Variants in C1D observed in about 807,000 individuals in gnomAD.
C1D encodes C1D nuclear receptor corepressor.
In C1D, 10 loss-of-function variants were observed where a neutral mutation model predicts 17.5. The observed-to-expected ratio is 0.57, with a 90% CI of 0.35 to 0.97. The LOEUF (loss-of-function observed/expected upper bound fraction) is 0.97, where lower values mean the gene tolerates loss of function less well. Ranked by LOEUF, C1D falls within the 50% of genes least tolerant of loss-of-function variation. C1D has a pLI of 0.01. For synonymous variants in C1D, 49 were observed against 54.0 expected (o/e 0.91, Z 0.40); for missense variants, 136 against 160.1 (o/e 0.85, Z 0.81).
intron 1 of C1D, among the ~76,000 whole-genome samples, chr2:68,047,777 G>A (rs561078441): frequency 2.0e-5 from 3 of 152,228 alleles, no homozygotes; most frequent in Admixed American, 2.0e-4. Flanking sequence ...AAGACATGAT[G>A]ACCAAACATG....
chr2:68,049,910 G>A (rs1196383321), intron 1 of C1D, among the ~76,000 whole-genome samples: 1 of 152,148 alleles, frequency 6.6e-6, no homozygotes, highest in Non-Finnish European at 1.5e-5. Flanking sequence ...AGACAGCCAG[G>A]AGAAAGTATC....
chr2:68,045,026 T>G (rs1671079793), intron 4 of C1D, among the ~76,000 whole-genome samples: 1 of 152,208 alleles, frequency 6.6e-6, no homozygotes, highest in Non-Finnish European at 1.5e-5. Flanking sequence ...ACTTTTGCTT[T>G]AAATATTTTT....
chr2:68,053,291 T>C, intron 1 of C1D: 1 of 1,381,924 alleles, frequency 7.2e-7, no homozygotes. Context: ...CTCTCACTGG[T>C]TATACAGAAG....
intron 1 of C1D, chr2:68,053,149 G>C (rs746669830): frequency 2.6e-6 from 4 of 1,550,662 alleles, no homozygotes; most frequent in Admixed American, 3.9e-5. Flanking sequence ...TGCAGAGGTA[G>C]AGACAGACGG....
Position 68,052,763 on chromosome 2 carries a change from A to G in C1D, c.-9-5444T>C, listed in dbSNP as rs997189808. Among the ~76,000 whole-genome samples the G allele has an allele frequency of 3.9e-5, 6 of 152,188 alleles. No homozygotes were observed. In the South Asian group the frequency reaches 1.0e-3, roughly 26 times the overall value. On this transcript the variant is annotated intron_variant, in intron 1 of 4. Transcript: ENST00000410067. ...ATTATGAGAAATTCCTCCTAATTCA[A>G]TTGATTTCTACTAACACTTTATTAT...
At chr2:68,046,446 G>C (rs1572879814) in intron 2 of C1D, 36 bp from the exon 3 acceptor site, 37 of 1,381,506 alleles carry the variant, frequency 2.7e-5, no homozygotes, top group Non-Finnish European at 3.4e-5. Flanking sequence ...AAGAGAGAAA[G>C]TGAGACAGAA....
At position 68,042,487 on chromosome 2, in the gene C1D, T is replaced by G. The variant is rs1670986403; in HGVS notation, c.*402A>C. 6.5e-6 allele frequency: 1 copy of G among 154,902 alleles called. No individual in the cohort carries two copies. Among genetic ancestry groups the G allele is most frequent in the Non-Finnish European group, 1.4e-5 (1 of 69,546 alleles). 9.6% of individuals were successfully genotyped at this position (154,902 alleles called of 1,614,324 possible). ...TTCACGCTTTCTTAATATCATATAG[T>G]GAAAACAGATGTACCTATAATTTCA... On this transcript the variant is annotated 3_prime_UTR_variant, in exon 5 of 5. Coordinates refer to ENST00000410067, the MANE Select transcript of C1D (RefSeq NM_173177.3).
Position 68,042,834 on chromosome 2 carries a change from G to A in C1D, c.*55C>T, listed in dbSNP as rs1280870131. ...CTGCCACAGAATTATTTTGCGGGGGGGGGGGGGGGGGGGAAGATGTACTTT... is the reference window on the plus strand; with the variant it reads ...CTGCCACAGAATTATTTTGCGGGGGAGGGGGGGGGGGGGAAGATGTACTTT... On this transcript the variant is annotated 3_prime_UTR_variant, in exon 5 of 5. Transcript: ENST00000410067. The A allele has an allele frequency of 8.0e-5, 5 of 62,510 alleles. No individual in the cohort carries two copies. Among genetic ancestry groups the A allele is most frequent in the Non-Finnish European group, 1.4e-4 (5 of 35,890 alleles). The allele number at this position is 62,510 out of a possible 1,614,324, so 3.9% of individuals were successfully genotyped here. A position where few individuals can be genotyped will look rare whatever the true frequency, so the allele number is the denominator to read the frequency against.
chr2:68,059,028 G>C (rs1309019343), intron 1 of C1D, among the ~76,000 whole-genome samples: 1 of 152,184 alleles, frequency 6.6e-6, no homozygotes, highest in Non-Finnish European at 1.5e-5. Flanking sequence ...GAATACCTGA[G>C]GCTGGGTAAT....
chr2:68,048,828 GA>G (rs1671204613), intron 1 of C1D, among the ~76,000 whole-genome samples: 1 of 152,122 alleles, frequency 6.6e-6, no homozygotes, highest in Non-Finnish European at 1.5e-5. Context: ...AGAAAAACAT[GA>G]AAATAAAAAT....
At chr2:68,051,651 C>A (rs1671285284) in intron 1 of C1D, among the ~76,000 whole-genome samples, 1 of 152,124 alleles carries the variant, frequency 6.6e-6, no homozygotes, top group African/African-American at 2.4e-5. Flanking sequence ...GTTCTTCCCC[C>A]ACGACATCAG....
rs1307431730 is a variant in C1D at position 68,041,987 on chromosome 2, T to C, written c.*902A>G. 2 of 151,994 alleles carry C rather than the reference T, an allele frequency of 1.3e-5. No homozygotes were observed. The highest frequency in any genetic ancestry group is 2.9e-5 in the Non-Finnish European group (2 of 67,906). The allele number at this position is 151,994 out of a possible 1,614,324, so 9.4% of individuals were successfully genotyped here. ...TCTCATCTGCTTAAGTGGCATTAGG[T>C]AACTTAAGAAGTTGTTCCAAAACAC... On this transcript the variant is annotated 3_prime_UTR_variant, in exon 5 of 5. Coordinates refer to ENST00000410067, the MANE Select transcript of C1D (RefSeq NM_173177.3).
chr2:68,061,838 T>C (rs971555039), intron 1 of C1D, among the ~76,000 whole-genome samples: 11 of 152,214 alleles, frequency 7.2e-5, no homozygotes, highest in African/African-American at 2.7e-4. Flanking sequence ...TACATTACTT[T>C]TGAACTGTGA....
chr2:68,053,324 C>G, intron 1 of C1D: 1 of 1,052,864 alleles, frequency 9.5e-7, no homozygotes, highest in Non-Finnish European at 1.3e-6. Context: ...TAGGAGAAAA[C>G]AAGAGTGCAT....
intron 1 of C1D, among the ~76,000 whole-genome samples, chr2:68,050,856 C>T (rs1371641708): frequency 6.6e-6 from 1 of 152,214 alleles, no homozygotes; most frequent in Non-Finnish European, 1.5e-5. Context: ...AGAACGTGCC[C>T]AAAGCCAAAT....
chr2:68,060,212 T>G (rs1424042090), intron 1 of C1D, among the ~76,000 whole-genome samples: 5 of 152,206 alleles, frequency 3.3e-5, no homozygotes, highest in Non-Finnish European at 7.3e-5. Flanking sequence ...TTCTCCACCT[T>G]CACTTCTTTC....
intron 1 of C1D, among the ~76,000 whole-genome samples, chr2:68,060,007 T>C (rs1026002282): frequency 6.6e-6 from 1 of 152,208 alleles, no homozygotes; most frequent in Non-Finnish European, 1.5e-5. Flanking sequence ...AAACTTATCA[T>C]GTCCTTAACT....
chr2:68,052,479 AATTTT>A (rs1671318233), intron 1 of C1D, among the ~76,000 whole-genome samples: 2 of 152,164 alleles, frequency 1.3e-5, no homozygotes. Context: ...TTTAAATGTG[AATTTT>A]TTCATCAAAT....
At chr2:68,055,671 C>G (rs1572886973) in intron 1 of C1D, among the ~76,000 whole-genome samples, 1 of 152,082 alleles carries the variant, frequency 6.6e-6, no homozygotes, top group Non-Finnish European at 1.5e-5. Flanking sequence ...ATTCTGTCAT[C>G]TATGATAATA....
Sources: gnomAD v4.1 joint callset for allele counts (sites outside exome capture counted in the v4.1 genomes callset) on GRCh38, gnomAD v4.1.1 for gene constraint, MANE v1.5 for transcripts, NCBI Gene and HGNC (gene_info 2026-07-23, HGNC 2026-07-21) for gene names.